Variants in GPR21 observed in about 807,000 individuals in gnomAD.
GPR21 encodes the protein G protein-coupled receptor 21, also known as probable G protein-coupled receptor 21.
GPR21 carries 9 observed loss-of-function variants against 21.5 expected under a neutral mutation model. The observed-to-expected ratio is 0.42, with a 90% confidence interval of 0.25 to 0.73. GPR21 has a LOEUF of 0.73. Among genes scored for constraint, GPR21 ranks in the 30% least tolerant of loss-of-function variants. The pLI, the probability that GPR21 is intolerant of heterozygous loss-of-function variation, is 0.27. For synonymous variants in GPR21, 169 were observed against 159.3 expected (o/e 1.06, Z -0.46); for missense variants, 416 against 428.9 (o/e 0.97, Z 0.27).
In GPR21 at chr9:123,034,644, T is replaced by A. The variant is rs774164124; in HGVS notation, c.78T>A (p.Asn26Lys). The change falls in exon 2 of 2, where the codon AAT becomes AAA. Residue 26 changes from asparagine (N) to lysine (K), a missense_variant. Physicochemically the swap from Asn to Lys is moderately conservative, Grantham distance 94. Transcript: ENST00000616002. ...CATTTGGCTATTTGGAAACTGTCAA[T>A]TTTTGCCTTTTGGAAGTATTGATTA... ...LLAFGYLETV[N>K]FCLLEVLIIV... is the part of the protein sequence containing the mutation. The A allele has an allele frequency of 1.2e-6, 2 of 1,613,680 alleles. No individual in the cohort carries two copies. Among genetic ancestry groups the A allele is most frequent in the Non-Finnish European group, 1.7e-6 (2 of 1,179,664 alleles).
Position 123,034,858 on chromosome 9 carries a change from G to C in GPR21, c.292G>C (p.Glu98Gln). ...SLLHHPLPVE[E>Q]SLTCQIFGFV... The stretch of plus-strand genomic sequence containing the variant: ...CCTCCATCACCCCCTTCCAGTAGAG[G>C]AGTCCTTGACTTGCCAGATATTTGG... Residue 98 changes from glutamate (E) to glutamine (Q), a missense_variant, in exon 2 of 2, where the codon GAG (glutamate) becomes CAG (glutamine). Physicochemically the swap from Glu to Gln is conservative, Grantham distance 29. Transcript: ENST00000616002. The C allele has an allele frequency of 6.2e-7, 1 of 1,614,074 alleles. No homozygotes were observed. Among genetic ancestry groups the C allele is most frequent in the Non-Finnish European group, 8.5e-7 (1 of 1,179,982 alleles).
chr9:123,045,214 G>A, the GPR21 span, among the ~76,000 whole-genome samples: 1 of 152,174 alleles, frequency 6.6e-6, no homozygotes, highest in Non-Finnish European at 1.5e-5. Flanking sequence ...AAAGACAAAA[G>A]TTATAGCATT....
chr9:123,041,715 A>G, the GPR21 span, among the ~76,000 whole-genome samples: 1 of 152,234 alleles, frequency 6.6e-6, no homozygotes, highest in Non-Finnish European at 1.5e-5. Flanking sequence ...CGGAATCAAC[A>G]GAGCTGCTTT....
exon 2 of GPR21, chr9:123,035,639 CGTGT>C (rs5900552): frequency 4.1e-3 from 2,977 of 733,066 alleles, 23 homozygotes; most frequent in African/African-American, 0.025. Flanking sequence ...ACGGGGTTCC[CGTGT>C]GTGTGTGTGT....
At chr9:123,040,049 G>C (rs2032876560), downstream of GPR21, among the ~76,000 whole-genome samples, 1 of 152,190 alleles carries the variant, frequency 6.6e-6, no homozygotes. Flanking sequence ...AGTAAGTTCT[G>C]CTGTGTGCCA....
At chr9:123,035,895 A>G (rs2032631006), downstream of GPR21, among the ~76,000 whole-genome samples, 1 of 152,206 alleles carries the variant, frequency 6.6e-6, no homozygotes, top group Non-Finnish European at 1.5e-5. Context: ...TACAGTTCTC[A>G]GATTTAAAAT....
At position 123,035,585 on chromosome 9, in the gene GPR21, G is replaced by A. The variant is rs2032595453; in HGVS notation, c.1019G>A (p.Ser340Asn). The A allele has an allele frequency of 6.2e-7, 1 of 1,601,564 alleles. No individual in the cohort carries two copies. The highest frequency in any genetic ancestry group is 1.3e-5 in the African/African-American group (1 of 74,224). Residue 340 changes from serine (S) to asparagine (N), a missense_variant, in exon 2 of 2, where the codon AGC (serine) becomes AAC (asparagine). Physicochemically the swap from Ser to Asn is conservative, Grantham distance 46 (BLOSUM62 1). Coordinates refer to ENST00000616002, the MANE Select transcript of GPR21 (RefSeq NM_005294.3). ...TTANDPYTVR[S>N]KGPLNGCHI ...GCCAACGACCCTTACACAGTTAGAA[G>A]CAAAGGCCCTCTTAATGGATGTCAT...
rs962940061 is a variant in GPR21 at position 123,035,060 on chromosome 9, T to C, written c.494T>C (p.Phe165Ser). The C allele has an allele frequency of 6.2e-7, 1 of 1,614,140 alleles. No homozygotes were observed. Among genetic ancestry groups the C allele is most frequent in the Non-Finnish European group, 8.5e-7 (1 of 1,180,004 alleles). The change falls in exon 2 of 2, where the codon TTT (phenylalanine) becomes TCT (serine). Residue 165 changes from phenylalanine (F) to serine (S), a missense_variant. By Grantham distance (155) the Phe-to-Ser change is radical (BLOSUM62 -2). Transcript: ENST00000616002. ...TCGACCCTGGTCTTCCTGCCTTCCT[T>C]TTTCCACTGGGGCAAACCTGGATAT... ...LYSTLVFLPS[F>S]FHWGKPGYHG...
In GPR21 at chr9:123,035,031, A is replaced by G. The variant is rs1485285395; in HGVS notation, c.465A>G (p.Leu155=). Residue 155 remains leucine (L), a synonymous_variant, in exon 2 of 2, where the codon CTA becomes CTG. Coordinates refer to ENST00000616002, the MANE Select transcript of GPR21 (RefSeq NM_005294.3). ...RLRLCIFLIW[L]YSTLVFLPSF... Reference sequence around the variant, plus strand: ...GCCTGTGTATTTTCCTGATTTGGCTATACTCGACCCTGGTCTTCCTGCCTT... The same window carrying G: ...GCCTGTGTATTTTCCTGATTTGGCTGTACTCGACCCTGGTCTTCCTGCCTT... 8 of 1,613,748 alleles carry G rather than the reference A, an allele frequency of 5.0e-6. No individual in the cohort carries two copies. In the East Asian group the frequency reaches 6.7e-5, roughly 13 times the overall value.
chr9:123,036,660 T>G (rs534077879), downstream of GPR21, among the ~76,000 whole-genome samples: 1 of 152,330 alleles, frequency 6.6e-6, no homozygotes, highest in East Asian at 1.9e-4. Flanking sequence ...ACATTTTCTT[T>G]GTGGTTAAAT....
the GPR21 span, among the ~76,000 whole-genome samples, chr9:123,042,372 C>T: frequency 1.3e-5 from 2 of 152,170 alleles, no homozygotes; most frequent in East Asian, 3.9e-4. Flanking sequence ...AAAAAGTTCT[C>T]ACATAAAGTA....
downstream of GPR21, among the ~76,000 whole-genome samples, chr9:123,037,725 T>TTGTG (rs545480959): frequency 2.0e-5 from 3 of 152,076 alleles, no homozygotes; most frequent in Admixed American, 2.0e-4. Flanking sequence ...TCTTATTTTG[T>TTGTG]TGTGTGTGTA....
chr9:123,047,919 G>GTTT, the GPR21 span, among the ~76,000 whole-genome samples: 79 of 62,280 alleles, frequency 1.3e-3, 25 homozygotes, highest in Non-Finnish European at 2.1e-3. Context: ...CAGCTGCTGG[G>GTTT]TTTTTTTTTT....
the GPR21 span, among the ~76,000 whole-genome samples, chr9:123,041,367 T>A: frequency 1.3e-5 from 2 of 152,220 alleles, no homozygotes; most frequent in Non-Finnish European, 2.9e-5. Flanking sequence ...ATCAGGTAGT[T>A]ATTTTGAATT....
At chr9:123,045,827 A>G in the GPR21 span, among the ~76,000 whole-genome samples, 1 of 152,210 alleles carries the variant, frequency 6.6e-6, no homozygotes, top group Non-Finnish European at 1.5e-5. Flanking sequence ...ATGGGATAAT[A>G]CTACCTCATT....
At position 123,035,208 on chromosome 9, in the gene GPR21, C is replaced by G. The variant is rs867377554; in HGVS notation, c.642C>G (p.Ile214Met). The stretch of plus-strand genomic sequence containing the variant: ...TTGTCTGCTTCACCTATTTCAACAT[C>G]TTCCGCATCTGCCAACAGCACACAA... ...ALIVCFTYFN[I>M]FRICQQHTKD... Residue 214 changes from isoleucine to methionine, a missense_variant, in exon 2 of 2, where the codon ATC becomes ATG. Ile to Met is a conservative substitution (Grantham distance 10). Transcript: ENST00000616002. 4 of 1,614,204 alleles carry G rather than the reference C, an allele frequency of 2.5e-6. No individual in the cohort carries two copies. Among genetic ancestry groups the G allele is most frequent in the Middle Eastern group, 3.3e-4 (2 of 6,062 alleles).
At chr9:123,033,820 A>G (rs535155278) in intron 1 of GPR21, 78 bp downstream of exon 1, 1 of 152,410 alleles carries the variant, frequency 6.6e-6, no homozygotes, top group African/African-American at 2.4e-5. Flanking sequence ...ATTGGAATCA[A>G]TGAAGAAAGT....
chr9:123,041,810 A>G, the GPR21 span, among the ~76,000 whole-genome samples: 1 of 152,218 alleles, frequency 6.6e-6, no homozygotes, highest in Non-Finnish European at 1.5e-5. Context: ...TTGGATTGCT[A>G]AGATGTCCCT....
At chr9:123,040,305 T>G (rs1232032550), downstream of GPR21, among the ~76,000 whole-genome samples, 3 of 152,212 alleles carry the variant, frequency 2.0e-5, no homozygotes, top group African/African-American at 7.2e-5. Flanking sequence ...TTTATTAGTT[T>G]AAGAAGTAGA....
Sources: gnomAD v4.1 joint callset for allele counts (sites outside exome capture counted in the v4.1 genomes callset) on GRCh38, gnomAD v4.1.1 for gene constraint, MANE v1.5 for transcripts, NCBI Gene and HGNC (gene_info 2026-07-23, HGNC 2026-07-21) for gene names.